PAPPA2: variants seen among roughly 807,000 people sequenced by gnomAD.
PAPPA2 encodes pappalysin 2, also known as pappalysin-2.
Under a neutral mutation model 176.4 loss-of-function variants are expected in PAPPA2, and 86 were observed. The observed-to-expected ratio is 0.49, with a 90% CI of 0.41 to 0.58. PAPPA2 has a LOEUF of 0.58. Ranked by LOEUF, PAPPA2 falls within the 20% of genes least tolerant of loss-of-function variation. The probability of loss-of-function intolerance (pLI) is 0.00; values close to 1 mark genes in which losing one functional copy is unlikely to be tolerated. For missense variants in PAPPA2, 2,073 were observed against 2,256.9 expected (o/e 0.92, Z 1.65); for synonymous variants, 809 against 852.2 (o/e 0.95, Z 0.88).
At chr1:176,687,316 T>C (rs1250493588) in intron 4 of PAPPA2, among the ~76,000 whole-genome samples, 1 of 152,204 alleles carries the variant, frequency 6.6e-6, no homozygotes, top group African/African-American at 2.4e-5. Context: ...CCTGGCCAAT[T>C]GTCCTGGGTA....
chr1:176,629,002 T>G (rs969794971), intron 3 of PAPPA2, among the ~76,000 whole-genome samples: 1 of 152,222 alleles, frequency 6.6e-6, no homozygotes, highest in African/African-American at 2.4e-5. Flanking sequence ...CAAGAATTGA[T>G]GTAAACAGAC....
intron 1 of PAPPA2, among the ~76,000 whole-genome samples, chr1:176,513,671 T>G (rs1648746319): frequency 6.6e-6 from 1 of 152,184 alleles, no homozygotes; most frequent in African/African-American, 2.4e-5. Flanking sequence ...ATTTCCTTAT[T>G]TGTAAAATGA....
At chr1:176,477,466 G>A (rs1022526515) in intron 1 of PAPPA2, among the ~76,000 whole-genome samples, 6 of 152,142 alleles carry the variant, frequency 3.9e-5, no homozygotes, top group African/African-American at 1.4e-4. Flanking sequence ...AAAAGTTATG[G>A]TTGGGTGCAG....
chr1:176,632,269 A>C (rs1656385972), intron 3 of PAPPA2, among the ~76,000 whole-genome samples: 1 of 149,074 alleles, frequency 6.7e-6, no homozygotes, highest in African/African-American at 2.5e-5. Flanking sequence ...GTGTGAGAAC[A>C]GCTCTTAGGA....
At chr1:176,725,816 T>A (rs1661842174) in intron 12 of PAPPA2, among the ~76,000 whole-genome samples, 1 of 152,252 alleles carries the variant, frequency 6.6e-6, no homozygotes, top group African/African-American at 2.4e-5. Context: ...AGTCTCGCTC[T>A]GTCGCCCAGG....
intron 3 of PAPPA2, among the ~76,000 whole-genome samples, chr1:176,625,124 T>C (rs570894061): frequency 9.2e-5 from 14 of 152,322 alleles, no homozygotes; most frequent in African/African-American, 3.1e-4. Context: ...ACAGTAGACT[T>C]GGTCAATACC....
Position 176,482,508 on chromosome 1 carries a change from A to G in PAPPA2, c.-917+19090A>G, listed in dbSNP as rs187462265. 2.0e-5 allele frequency among the ~76,000 whole-genome samples: 3 copies of G among 152,294 alleles called. No individual in the cohort carries two copies. In the East Asian group the frequency reaches 5.8e-4, roughly 29 times the overall value. ...TGTAAGTGAAGATCATTAAATTCCAACGGGCATGAACAGGAAAAATGAGGT... is the reference window on the plus strand; with the variant it reads ...TGTAAGTGAAGATCATTAAATTCCAGCGGGCATGAACAGGAAAAATGAGGT... On this transcript the variant is annotated intron_variant, in intron 1 of 22. Transcript: ENST00000367662.
Position 176,634,947 on chromosome 1 carries a change from GTAGATAGATAGATAGATAAATAGATAGA to G in PAPPA2, c.1992-36004_1992-35977del, listed in dbSNP as rs1452584639. Among the ~76,000 whole-genome samples, 1,156 of 144,870 alleles carry G rather than the reference GTAGATAGATAGATAGATAAATAGATAGA, an allele frequency of 8.0e-3. 14 individuals are homozygous for G. Among genetic ancestry groups the G allele is most frequent in the Middle Eastern group, 0.024 (7 of 290 alleles). On this transcript the variant is annotated intron_variant, in intron 3 of 22. Transcript: ENST00000367662. Reference sequence around the variant, plus strand: ...TGATGATGATGATGATAGATGATAGGTAGATAGATAGATAGATAAATAGATAGATAGATAGATAGATAGATAGATAGAT... The same window carrying G: ...TGATGATGATGATGATAGATGATAGGTAGATAGATAGATAGATAGATAGAT...
chr1:176,805,253 A>G (rs1571352992), intron 21 of PAPPA2, among the ~76,000 whole-genome samples: 2 of 152,274 alleles, frequency 1.3e-5, no homozygotes, highest in Non-Finnish European at 1.5e-5. Flanking sequence ...CTCCTTTTAC[A>G]TAGAACTGAT....
intron 21 of PAPPA2, among the ~76,000 whole-genome samples, chr1:176,827,735 G>C (rs1257737936): frequency 6.6e-6 from 1 of 151,996 alleles, no homozygotes; most frequent in Non-Finnish European, 1.5e-5. Flanking sequence ...AACCTTCTGT[G>C]GTGCCTTGTG....
intron 9 of PAPPA2, among the ~76,000 whole-genome samples, 182 bp from the exon 10 acceptor site, chr1:176,706,177 T>A (rs1171278775): frequency 2.6e-5 from 4 of 152,204 alleles, no homozygotes; most frequent in Non-Finnish European, 5.9e-5. Context: ...TTAAATTGTA[T>A]CTACTTTATA....
rs546553582 is a variant in PAPPA2, at chr1:176,731,467, T to C, written c.3799-8159T>C. 5.2e-4 allele frequency among the ~76,000 whole-genome samples: 79 copies of C among 151,824 alleles called. No homozygotes were observed. The Middle Eastern group carries it at 0.01, about 20-fold the overall frequency. On this transcript the variant is annotated intron_variant, in intron 12 of 22. Transcript: ENST00000367662. ...GGTGTGCCCCACCATGCCCAGCTAA[T>C]TTTTTTTCTTTTCTTTGTATTTTCA...
chr1:176,504,298 A>C (rs1648125501), intron 1 of PAPPA2, among the ~76,000 whole-genome samples: 1 of 152,168 alleles, frequency 6.6e-6, no homozygotes, highest in Non-Finnish European at 1.5e-5. Flanking sequence ...TCTGTTTCAG[A>C]GAAACATTTT....
intron 1 of PAPPA2, among the ~76,000 whole-genome samples, chr1:176,498,104 C>G (rs543999141): frequency 9.8e-5 from 15 of 152,318 alleles, no homozygotes; most frequent in Non-Finnish European, 1.6e-4. Flanking sequence ...GAGTTGGAAT[C>G]ACAGACTCCC....
chr1:176,724,441 A>C (rs1336328687), intron 12 of PAPPA2, among the ~76,000 whole-genome samples: 2 of 152,218 alleles, frequency 1.3e-5, no homozygotes, highest in African/African-American at 4.8e-5. Context: ...GTTTGGTTTC[A>C]TAGGGAGCCC....
chr1:176,522,477 C>T (rs886748564), intron 1 of PAPPA2, among the ~76,000 whole-genome samples: 9 of 152,344 alleles, frequency 5.9e-5, no homozygotes, highest in African/African-American at 2.2e-4. Flanking sequence ...CTTTACCCTT[C>T]ATCCTAAGCA....
intron 16 of PAPPA2, 50 bp from the exon 17 acceptor site, chr1:176,770,917 T>C: frequency 1.3e-6 from 2 of 1,550,840 alleles, no homozygotes; most frequent in Non-Finnish European, 1.8e-6. Context: ...ATGATTATCT[T>C]TCTGGGCTCT....
In PAPPA2 at chr1:176,709,984, A is replaced by G; in HGVS notation, c.3459A>G (p.Gly1153=). 2 of 1,590,758 alleles carry G rather than the reference A, an allele frequency of 1.3e-6. No homozygotes were observed. Among genetic ancestry groups the G allele is most frequent in the African/African-American group, 1.4e-5 (1 of 73,760 alleles). The change falls in exon 11 of 23, where the codon GGA becomes GGG. Residue 1153 remains glycine (G), a splice_region_variant and synonymous_variant. Coordinates refer to ENST00000367662, the MANE Select transcript of PAPPA2 (RefSeq NM_020318.3). ...GTGTCACACAATATTTCTTGGCAGGAGAGCCAAGCCTTTGCTACATGTATG... is the reference window on the plus strand; with the variant it reads ...GTGTCACACAATATTTCTTGGCAGGGGAGCCAAGCCTTTGCTACATGTATG... The part of the protein sequence containing the change: ...CELEEGFNCV[G]EPSLCYMYEG...
rs138732246 is a variant in PAPPA2, at chr1:176,831,859, C to G, written c.5203-8314C>G. On this transcript the variant is annotated intron_variant, in intron 21 of 22. Coordinates refer to ENST00000367662, the MANE Select transcript of PAPPA2 (RefSeq NM_020318.3). ...CACCATTATGGTTTTTGAAGAGAGC[C>G]CTGGTTTCCAGGAGCCAATTAGACC... Among the ~76,000 whole-genome samples the G allele has an allele frequency of 1.7e-3, 263 of 152,192 alleles. 1 individual carries two copies. In the Middle Eastern group the frequency reaches 0.024, roughly 14 times the overall value.
Sources: allele counts gnomAD v4.1 joint callset (sites outside exome capture counted in the v4.1 genomes callset), GRCh38; gene constraint gnomAD v4.1.1; transcripts MANE v1.5; gene names NCBI Gene and HGNC (gene_info 2026-07-23, HGNC 2026-07-21).